Variants in ACAN observed in about 807,000 individuals in gnomAD.
ACAN encodes aggrecan.
ACAN carries 47 observed loss-of-function variants against 169.1 expected under a neutral mutation model. The observed-to-expected ratio is 0.28, with a 90% confidence interval of 0.22 to 0.35. ACAN has a LOEUF of 0.35. ACAN is among the 10% of genes least tolerant of loss of function. ACAN has a pLI of 1.00. For missense variants in ACAN, 2,716 were observed against 2,759.9 expected, an observed-to-expected ratio of 0.98 and a Z score of 0.36; for synonymous variants, 1,115 against 1,112.2, an observed-to-expected ratio of 1.00 and a Z score of -0.05.
intron 1 of ACAN, among the ~76,000 whole-genome samples, chr15:88,826,958 G>A (rs900219788): frequency 3.9e-5 from 6 of 152,306 alleles, no homozygotes; most frequent in Admixed American, 3.3e-4. Flanking sequence ...CTCACTATCT[G>A]TGTGACTTTG....
At chr15:88,841,689 G>C in intron 4 of ACAN, 51 bp from the exon 5 acceptor site, 1 of 1,609,866 alleles carries the variant, frequency 6.2e-7, no homozygotes, top group Non-Finnish European at 8.5e-7. Context: ...AGAGGCCATG[G>C]GCTTCCCTTT....
chr15:88,812,111 G>A (rs1895835687), intron 1 of ACAN, among the ~76,000 whole-genome samples: 1 of 152,160 alleles, frequency 6.6e-6, no homozygotes, highest in South Asian at 2.1e-4. Flanking sequence ...AGCGAAGGAG[G>A]AGCCTAGCCC....
rs771090332 is a variant in ACAN at position 88,858,827 on chromosome 15, G to C, written c.6242G>C (p.Gly2081Ala). 4 of 1,613,736 alleles carry C rather than the reference G, an allele frequency of 2.5e-6. 1 individual carries two copies. In the Middle Eastern group the frequency reaches 5.0e-4, roughly 200 times the overall value. ...GTCTCCACAGCTGGGGACATTAGTG[G>C]AGCTACCCCAGTGCTCCCTGGGTCT... ...GKVSTAGDIS[G>A]ATPVLPGSGV... The change falls in exon 12 of 19, where the codon GGA becomes GCA. Residue 2081 changes from glycine to alanine, a missense_variant. Transcript: ENST00000560601. The surrounding 1 kb of genome is among the most constrained non-coding windows in gnomAD (Gnocchi z 4.0).
chr15:88,841,975 C>T, intron 5 of ACAN, 108 bp downstream of exon 5: 1 of 1,433,128 alleles, frequency 7.0e-7, no homozygotes, highest in Non-Finnish European at 9.6e-7. Flanking sequence ...CAGCTCAGGG[C>T]CTGACACACT....
At position 88,857,400 on chromosome 15, in the gene ACAN, C is replaced by T. The variant is rs1476590159; in HGVS notation, c.4815C>T (p.Asp1605=). The stretch of plus-strand genomic sequence containing the variant: ...TGGGGTCAGCTTCTGGAGACTTGGA[C>T]TTGGGCAAACTGCCTTCTGGAACTC... The part of the protein sequence containing the change: ...DLVGSASGDL[D]LGKLPSGTLG... The change falls in exon 12 of 19, where the codon GAC becomes GAT. Residue 1605 remains aspartate, a synonymous_variant. Transcript: ENST00000560601. The T allele has an allele frequency of 1.2e-6, 2 of 1,613,810 alleles. No homozygotes were observed. The highest frequency in any genetic ancestry group is 2.7e-5 in the African/African-American group (2 of 74,936).
In ACAN at chr15:88,845,813, A is replaced by C. The variant is rs1218272397; in HGVS notation, c.1360A>C (p.Thr454Pro). The change falls in exon 7 of 19, where the codon ACG (threonine) becomes CCG (proline). Residue 454 changes from threonine (T) to proline (P), a missense_variant. Coordinates refer to ENST00000560601, the MANE Select transcript of ACAN (RefSeq NM_001369268.1). ...TCCCACACCTGGCCTGGGCCCTGCC[A>C]CGGCATTCACCAGTGAGGACCTCGT... The part of the protein sequence containing the change: ...GFPTPGLGPA[T>P]AFTSEDLVVQ... 3 of 1,549,526 alleles carry C rather than the reference A, an allele frequency of 1.9e-6. No individual in the cohort carries two copies. Among genetic ancestry groups the C allele is most frequent in the Non-Finnish European group, 2.6e-6 (3 of 1,146,970 alleles).
In ACAN at chr15:88,851,978, A is replaced by C. The variant is rs796312782; in HGVS notation, c.2211A>C (p.Glu737Asp). 1.9e-6 allele frequency: 3 copies of C among 1,612,350 alleles called. No homozygotes were observed. The highest frequency in any genetic ancestry group is 2.5e-6 in the Non-Finnish European group (3 of 1,179,224). The change falls in exon 11 of 19, where the codon GAA becomes GAC. Residue 737 changes from glutamate (E) to aspartate (D), a missense_variant. Coordinates refer to ENST00000560601, the MANE Select transcript of ACAN (RefSeq NM_001369268.1). This position sits in a 1 kb window ranked among gnomAD's most constrained non-coding sequence, Gnocchi z 4.3. Reference sequence around the variant, plus strand: ...TCCTAGAGTTCACCACCGAGCCAGAAAACCAGACAGAATGGGAACCAGCCT... The same window carrying C: ...TCCTAGAGTTCACCACCGAGCCAGACAACCAGACAGAATGGGAACCAGCCT... The part of the protein sequence containing the change: ...TAILEFTTEP[E>D]NQTEWEPAYT...
intron 6 of ACAN, among the ~76,000 whole-genome samples, chr15:88,844,476 C>G (rs913821208): frequency 6.6e-6 from 1 of 152,084 alleles, no homozygotes; most frequent in South Asian, 2.1e-4. Flanking sequence ...CAGGTTCAAA[C>G]GATTCTTCTG....
chr15:88,874,627 G>C lies in ACAN; in HGVS notation c.*146G>C. ...AAGGAAAAAAATAAATCCCACATTT[G>C]TGTATGCACCCACTCACCCCTCCAA... On this transcript the variant is annotated 3_prime_UTR_variant, in exon 19 of 19. Coordinates refer to ENST00000560601, the MANE Select transcript of ACAN (RefSeq NM_001369268.1). This position sits in a 1 kb window ranked among gnomAD's most constrained non-coding sequence, Gnocchi z 7.3. 1 of 806,910 alleles carries C rather than the reference G, an allele frequency of 1.2e-6. No homozygotes were observed. The highest frequency in any genetic ancestry group is 1.5e-5 in the South Asian group (1 of 68,896). The allele number at this position is 806,910 out of a possible 1,614,324, so 50.0% of individuals were successfully genotyped here.
chr15:88,829,118 T>TTTA (rs10642144), intron 1 of ACAN, among the ~76,000 whole-genome samples: 95,387 of 151,718 alleles, frequency 0.63, 30,407 homozygotes, highest in Middle Eastern at 0.73. Flanking sequence ...TGGAATTTGA[T>TTTA]TTAAGATGCT....
intron 1 of ACAN, among the ~76,000 whole-genome samples, chr15:88,823,418 T>C (rs530979095): frequency 5.9e-5 from 9 of 152,152 alleles, no homozygotes; most frequent in Non-Finnish European, 1.0e-4. Context: ...TGGTGGTTTT[T>C]TTTTTTCTTG....
At chr15:88,860,058 G>T (rs1030666516) in intron 12 of ACAN, among the ~76,000 whole-genome samples, 1 of 146,816 alleles carries the variant, frequency 6.8e-6, no homozygotes, top group African/African-American at 2.7e-5. Context: ...CACTGGTAGC[G>T]GTAGCTGATT....
intron 1 of ACAN, among the ~76,000 whole-genome samples, chr15:88,829,551 CTGCGTTTA>C (rs1470703581): frequency 6.6e-6 from 1 of 152,208 alleles, no homozygotes; most frequent in African/African-American, 2.4e-5. Flanking sequence ...GCATATGCTA[CTGCGTTTA>C]TGCACAGCTA....
chr15:88,840,982 A>G (rs1380740811), intron 4 of ACAN, among the ~76,000 whole-genome samples: 1 of 149,678 alleles, frequency 6.7e-6, no homozygotes, highest in Non-Finnish European at 1.5e-5. Context: ...ATCTCTACTA[A>G]AAAATACAAA....
chr15:88,809,209 T>G lies in ACAN; in HGVS notation c.-8+5400T>G, dbSNP rs568579929. On this transcript the variant is annotated intron_variant, in intron 1 of 18. Transcript: ENST00000560601. ...TCAGGAAGCCAAAGAAGGCTGCTCTTTGGGGCAGGGTTGCCATAGTATTCC... is the reference window on the plus strand; with the variant it reads ...TCAGGAAGCCAAAGAAGGCTGCTCTGTGGGGCAGGGTTGCCATAGTATTCC... Among the ~76,000 whole-genome samples the G allele has an allele frequency of 2.0e-5, 3 of 152,138 alleles. No homozygotes were observed. In the South Asian group the frequency reaches 6.2e-4, roughly 32 times the overall value.
chr15:88,810,858 G>C (rs1871801158), intron 1 of ACAN, among the ~76,000 whole-genome samples: 1 of 152,190 alleles, frequency 6.6e-6, no homozygotes, highest in South Asian at 2.1e-4. Flanking sequence ...TTGTGGTCTA[G>C]TTTGTCAACT....
intron 1 of ACAN, among the ~76,000 whole-genome samples, chr15:88,835,648 A>G (rs985176646): frequency 6.6e-6 from 1 of 152,208 alleles, no homozygotes; most frequent in African/African-American, 2.4e-5. Context: ...TTTCAATTCA[A>G]GTCCAAAGGG....
intron 1 of ACAN, among the ~76,000 whole-genome samples, chr15:88,827,969 A>G (rs1469017752): frequency 2.0e-5 from 3 of 151,962 alleles, no homozygotes; most frequent in Admixed American, 1.3e-4. Flanking sequence ...CACCCTGGCC[A>G]TCGCACCCAC....
Position 88,857,030 on chromosome 15 carries a change from C to A in ACAN, c.4445C>A (p.Ser1482Tyr). 1 of 1,613,544 alleles carries A rather than the reference C, an allele frequency of 6.2e-7. No homozygotes were observed. The highest frequency in any genetic ancestry group is 8.5e-7 in the Non-Finnish European group (1 of 1,179,526). ...GGAGAAGTTCTAGAGATTTCTGTCTCTGGAGTAGAGGACATCAGTGGGCTT... is the reference window on the plus strand; with the variant it reads ...GGAGAAGTTCTAGAGATTTCTGTCTATGGAGTAGAGGACATCAGTGGGCTT... ...SGGEVLEISV[S>Y]GVEDISGLPS... The change falls in exon 12 of 19, where the codon TCT becomes TAT. Residue 1482 changes from serine (S) to tyrosine (Y), a missense_variant. Coordinates refer to ENST00000560601, the MANE Select transcript of ACAN (RefSeq NM_001369268.1).
Sources: allele counts gnomAD v4.1 joint callset (sites outside exome capture counted in the v4.1 genomes callset), GRCh38; gene constraint gnomAD v4.1.1; non-coding constraint Gnocchi (gnomAD v3.1); transcripts MANE v1.5; gene names NCBI Gene and HGNC (gene_info 2026-07-23, HGNC 2026-07-21).